The following SAMD3 variants were observed in gnomAD, a reference collection of about 807,000 sequenced individuals.
The protein encoded by SAMD3 is sterile alpha motif domain-containing protein 3.
SAMD3 carries 63 observed loss-of-function variants against 58.5 expected under a neutral mutation model. The ratio of observed to expected loss-of-function variants is 1.08; its 90% confidence interval spans 0.88 to 1.33. SAMD3 has a LOEUF of 1.33. Ranked by LOEUF, SAMD3 falls within the 40% of genes most tolerant of loss-of-function variation. The pLI is 0.00. For missense variants in SAMD3, 604 were observed against 608.4 expected (o/e 0.99, Z 0.08); for synonymous variants, 220 against 210.3 (o/e 1.05, Z -0.40).
At position 130,353,925 on chromosome 6, in the gene SAMD3, GA is replaced by G. The variant is rs547056610; in HGVS notation, c.-304+11194del. ...GAAAATATTTGCAAACTATGCATCT[GA>G]AAAAAAGTCTAATATCCAGCATCTA... On this transcript the variant is annotated intron_variant, in intron 1 of 13. Transcript: ENST00000368134. 7.9e-5 allele frequency among the ~76,000 whole-genome samples: 12 copies of G among 151,946 alleles called. No homozygotes were observed. In the East Asian group the frequency reaches 1.4e-3, roughly 17 times the overall value.
chr6:130,343,181 A>G (rs533621735), intron 1 of SAMD3, among the ~76,000 whole-genome samples: 34 of 151,986 alleles, frequency 2.2e-4, no homozygotes, highest in Non-Finnish European at 5.0e-4. Flanking sequence ...TTAACTTACT[A>G]TAAAAAGGAT....
At chr6:130,187,296 A>G (rs547935544) in intron 5 of SAMD3, among the ~76,000 whole-genome samples, 1 of 151,990 alleles carries the variant, frequency 6.6e-6, no homozygotes, top group Non-Finnish European at 1.5e-5. Context: ...TTTTTATTCT[A>G]CATACTTTCC....
In SAMD3 at chr6:130,178,141, A is replaced by T. The variant is rs377129895; in HGVS notation, c.655-2133T>A. ...AGACATGTGCCACCACAGCCAGCTA[A>T]TTTTTTGTATTTTTAGTAGAGACGA... On this transcript the variant is annotated intron_variant, in intron 7 of 11. Transcript: ENST00000439090. 1.5e-4 allele frequency among the ~76,000 whole-genome samples: 22 copies of T among 151,188 alleles called. 1 individual carries two copies. The highest frequency in any genetic ancestry group is 3.9e-4 in the East Asian group (2 of 5,176).
intron 2 of SAMD3, among the ~76,000 whole-genome samples, chr6:130,267,303 A>G (rs1774394594): frequency 6.6e-6 from 1 of 152,200 alleles, no homozygotes; most frequent in African/African-American, 2.4e-5. Context: ...TAGTAATAGG[A>G]ACCTGCTTAC....
In SAMD3 at chr6:130,212,939, G is replaced by T. The variant is rs181081179; in HGVS notation, c.269+1398C>A. On this transcript the variant is annotated intron_variant, in intron 4 of 11. Coordinates refer to ENST00000439090, the MANE Select transcript of SAMD3 (RefSeq NM_001017373.4). Reference sequence around the variant, plus strand: ...CATCAAAAGTTACATGTTCAAGAGCGTCCTTTTTTACATAGATATGCCAAA... The same window carrying T: ...CATCAAAAGTTACATGTTCAAGAGCTTCCTTTTTTACATAGATATGCCAAA... 2.2e-3 allele frequency among the ~76,000 whole-genome samples: 338 copies of T among 152,220 alleles called. 4 individuals are homozygous for T. Among genetic ancestry groups the T allele is most frequent in the African/African-American group, 6.8e-3 (282 of 41,536 alleles).
At chr6:130,276,585 C>T (rs1240615733) in intron 2 of SAMD3, among the ~76,000 whole-genome samples, 1 of 151,954 alleles carries the variant, frequency 6.6e-6, no homozygotes, top group Non-Finnish European at 1.5e-5. Context: ...ATCATGAAAG[C>T]AGAATAAGTA....
intron 2 of SAMD3, among the ~76,000 whole-genome samples, chr6:130,239,648 T>C (rs1773285993): frequency 6.6e-6 from 1 of 152,050 alleles, no homozygotes; most frequent in Admixed American, 6.6e-5. Context: ...AGCAACTGGG[T>C]CACTTGTCTG....
chr6:130,165,808 T>A (rs534019167), intron 8 of SAMD3, among the ~76,000 whole-genome samples: 10 of 152,132 alleles, frequency 6.6e-5, no homozygotes, highest in Non-Finnish European at 1.3e-4. Flanking sequence ...TCGGTAAGTA[T>A]GTTTACATCC....
chr6:130,269,087 T>C (rs1774464083), intron 2 of SAMD3, among the ~76,000 whole-genome samples: 1 of 152,204 alleles, frequency 6.6e-6, no homozygotes, highest in South Asian at 2.1e-4. Flanking sequence ...ATTCTTATAC[T>C]CTTAACTTTA....
chr6:130,330,773 G>C (rs969535252), intron 1 of SAMD3, among the ~76,000 whole-genome samples: 1 of 152,072 alleles, frequency 6.6e-6, no homozygotes, highest in Non-Finnish European at 1.5e-5. Flanking sequence ...CGGCTGTTTG[G>C]GTGCTACCTG....
At chr6:130,278,170 A>G (rs183258739) in intron 2 of SAMD3, among the ~76,000 whole-genome samples, 5 of 152,234 alleles carry the variant, frequency 3.3e-5, no homozygotes, top group East Asian at 3.9e-4. Flanking sequence ...TGGCTCATCC[A>G]ATCTTGTGGA....
chr6:130,146,085 A>T lies in SAMD3; in HGVS notation c.1120T>A (p.Ser374Thr). 1 of 1,602,438 alleles carries T rather than the reference A, an allele frequency of 6.2e-7. No homozygotes were observed. Among genetic ancestry groups the T allele is most frequent in the Non-Finnish European group, 8.5e-7 (1 of 1,174,002 alleles). Residue 374 changes from serine to threonine, a missense_variant, in exon 10 of 12, where the codon TCA becomes ACA. Coordinates refer to ENST00000439090, the MANE Select transcript of SAMD3 (RefSeq NM_001017373.4). Reference protein sequence around the residue: ...SYSENILTSFSVVDNPINIVL... With the variant: ...SYSENILTSFTVVDNPINIVL... ...ATATTGATTGGATTGTCCACCACTG[A>T]AAAAGAAGTCAGTATATTTTCTGAA...
At position 130,202,026 on chromosome 6, in the gene SAMD3, A is replaced by G. The variant is rs531928568; in HGVS notation, c.383+7469T>C. ...AGTATCCATCCCCAACCCCATGTCT[A>G]CATAGTACCTAGCCCATGGGGTATA... is the stretch of plus-strand genomic sequence containing the variant. On this transcript the variant is annotated intron_variant, in intron 5 of 11. Coordinates refer to ENST00000439090, the MANE Select transcript of SAMD3 (RefSeq NM_001017373.4). Among the ~76,000 whole-genome samples, 4 of 152,326 alleles carry G rather than the reference A, an allele frequency of 2.6e-5. No individual in the cohort carries two copies. In the East Asian group the frequency reaches 7.7e-4, roughly 29 times the overall value.
chr6:130,248,297 C>T (rs1170046504), intron 2 of SAMD3, among the ~76,000 whole-genome samples: 2 of 151,990 alleles, frequency 1.3e-5, no homozygotes, highest in Non-Finnish European at 2.9e-5. Context: ...TGTTCAAACA[C>T]ACAAATCACA....
At chr6:130,178,331 C>T (rs1034263) in intron 7 of SAMD3, among the ~76,000 whole-genome samples, 16,656 of 151,364 alleles carry the variant, frequency 0.11, 1,596 homozygotes, top group African/African-American at 0.26. Context: ...TGCTCTTCTC[C>T]GCTGCAATGC....
rs1010788005 is a variant in SAMD3 at position 130,209,603 on chromosome 6, C to G, written c.275G>C (p.Arg92Thr). 1.2e-5 allele frequency: 19 copies of G among 1,603,538 alleles called. No homozygotes were observed. The highest frequency in any genetic ancestry group is 2.7e-5 in the African/African-American group (2 of 74,650). Residue 92 changes from arginine to threonine, a missense_variant, in exon 5 of 12, where the codon AGG (arginine) becomes ACG (threonine). Coordinates refer to ENST00000439090, the MANE Select transcript of SAMD3 (RefSeq NM_001017373.4). ...VMQTEAARDY[R>T]DEESSSPARH... The stretch of plus-strand genomic sequence containing the variant: ...GGCTGGACTGGAGGACTCTTCATCC[C>G]TGTAACTAAGAAAGAAGAGGTGGGT...
At chr6:130,234,627 C>T (rs986196506) in intron 2 of SAMD3, among the ~76,000 whole-genome samples, 10 of 152,138 alleles carry the variant, frequency 6.6e-5, no homozygotes, top group Admixed American at 2.0e-4. Flanking sequence ...TTTGAACCAA[C>T]GTGTAAGATG....
chr6:130,165,952 G>C (rs145811568), intron 8 of SAMD3, among the ~76,000 whole-genome samples: 1 of 152,214 alleles, frequency 6.6e-6, no homozygotes, highest in African/African-American at 2.4e-5. Context: ...GCCCCATGTA[G>C]ACCAGATACG....
chr6:130,293,019 A>C (rs951890026), intron 2 of SAMD3, among the ~76,000 whole-genome samples: 11 of 152,222 alleles, frequency 7.2e-5, no homozygotes, highest in African/African-American at 2.7e-4. Context: ...ATCTGTTTCT[A>C]ATTAATGGAA....
Sources: gnomAD v4.1 joint callset for allele counts (sites outside exome capture counted in the v4.1 genomes callset) on GRCh38, gnomAD v4.1.1 for gene constraint, MANE v1.5 for transcripts, NCBI Gene and HGNC (gene_info 2026-07-23, HGNC 2026-07-21) for gene names.